The following ELF2 variants were observed in gnomAD, a reference collection of about 807,000 sequenced individuals.
ELF2 encodes ETS-related transcription factor Elf-2.
ELF2 carries 11 observed loss-of-function variants against 54.8 expected under a neutral mutation model. That is an observed-to-expected ratio of 0.20 (90% CI 0.13 to 0.33). ELF2 has a LOEUF of 0.33. Ranked by LOEUF, ELF2 falls within the 10% of genes least tolerant of loss-of-function variation. The probability of loss-of-function intolerance (pLI) is 1.00; values close to 1 mark genes in which losing one functional copy is unlikely to be tolerated. For missense variants in ELF2, 513 were observed against 703.0 expected (o/e 0.73, Z 3.06); for synonymous variants, 203 against 245.1 (o/e 0.83, Z 1.61).
intron 1 of ELF2, among the ~76,000 whole-genome samples, chr4:139,143,704 C>T (rs531175915): frequency 6.6e-6 from 1 of 152,192 alleles, no homozygotes; most frequent in Admixed American, 6.5e-5. Context: ...AGCTCGAGCT[C>T]GGGAGGCGGA....
chr4:139,077,769 G>A (rs905121733), intron 4 of ELF2, among the ~76,000 whole-genome samples: 2 of 152,134 alleles, frequency 1.3e-5, no homozygotes, highest in African/African-American at 4.8e-5. Context: ...AAGTAAGCAA[G>A]CTACAAGCAA....
At chr4:139,065,728 C>T (rs1473557902) in intron 7 of ELF2, among the ~76,000 whole-genome samples, 1 of 152,080 alleles carries the variant, frequency 6.6e-6, no homozygotes, top group African/African-American at 2.4e-5. Flanking sequence ...TTGGTAAAAA[C>T]TGGTCACAGT....
intron 1 of ELF2, among the ~76,000 whole-genome samples, chr4:139,169,238 C>T (rs756962112): frequency 2.7e-5 from 4 of 150,878 alleles, no homozygotes; most frequent in Admixed American, 6.6e-5. Flanking sequence ...GTCCCAGGTA[C>T]GTGGAAAGTT....
intron 3 of ELF2, among the ~76,000 whole-genome samples, chr4:139,127,925 A>G (rs1263351219): frequency 6.7e-6 from 1 of 148,434 alleles, no homozygotes; most frequent in Non-Finnish European, 1.5e-5. Context: ...GGATCACACC[A>G]CTGCATTCCA....
chr4:139,166,249 T>TA (rs1741709136), intron 1 of ELF2, among the ~76,000 whole-genome samples: 1 of 152,038 alleles, frequency 6.6e-6, no homozygotes, highest in Admixed American at 6.6e-5. Context: ...TTAGCCAAGG[T>TA]AGTAGTGTGC....
chr4:139,116,994 T>A (rs1261694900), intron 4 of ELF2, among the ~76,000 whole-genome samples: 2 of 152,260 alleles, frequency 1.3e-5, no homozygotes, highest in Non-Finnish European at 2.9e-5. Context: ...TGCTTTCTCG[T>A]TGAATTATAT....
At chr4:139,075,258 T>C (rs549795114) in intron 4 of ELF2, among the ~76,000 whole-genome samples, 6 of 152,198 alleles carry the variant, frequency 3.9e-5, no homozygotes, top group Non-Finnish European at 8.8e-5. Flanking sequence ...CTGCCACTTA[T>C]TTCTGTTACC....
At chr4:139,155,800 T>C (rs1740468615) in intron 1 of ELF2, among the ~76,000 whole-genome samples, 2 of 152,202 alleles carry the variant, frequency 1.3e-5, no homozygotes, top group African/African-American at 4.8e-5. Context: ...AAGGACTATA[T>C]AGTTTTTAAC....
chr4:139,087,839 G>C (rs1288177823), intron 4 of ELF2, among the ~76,000 whole-genome samples: 1 of 152,130 alleles, frequency 6.6e-6, no homozygotes, highest in African/African-American at 2.4e-5. Flanking sequence ...GATCTCTATA[G>C]TTTAAACGAC....
intron 4 of ELF2, among the ~76,000 whole-genome samples, chr4:139,089,940 T>C (rs1732402296): frequency 6.6e-6 from 1 of 152,236 alleles, no homozygotes. Flanking sequence ...ATTTTGTCTT[T>C]TGCTTTTTGG....
intron 4 of ELF2, among the ~76,000 whole-genome samples, chr4:139,079,997 CT>C (rs1730871314): frequency 6.6e-6 from 1 of 152,146 alleles, no homozygotes; most frequent in Non-Finnish European, 1.5e-5. Flanking sequence ...TTTTAAAAAG[CT>C]CTTCTTAAGC....
chr4:139,148,681 C>A, intron 1 of ELF2, among the ~76,000 whole-genome samples: 1 of 151,150 alleles, frequency 6.6e-6, no homozygotes. Context: ...ATTGTGAATG[C>A]TATTCTGAAA....
chr4:139,092,056 T>C (rs1169340115), intron 4 of ELF2, among the ~76,000 whole-genome samples: 1 of 150,544 alleles, frequency 6.6e-6, no homozygotes, highest in African/African-American at 2.4e-5. Flanking sequence ...ACAGATACAA[T>C]TGATATTTAA....
At chr4:139,131,850 T>A (rs539761331) in intron 3 of ELF2, among the ~76,000 whole-genome samples, 3 of 149,018 alleles carry the variant, frequency 2.0e-5, no homozygotes, top group Non-Finnish European at 4.4e-5. Flanking sequence ...CAAACATCCA[T>A]ACAATGAGAG....
chr4:139,085,559 T>A (rs1402119693), intron 4 of ELF2, among the ~76,000 whole-genome samples: 1 of 152,208 alleles, frequency 6.6e-6, no homozygotes, highest in Non-Finnish European at 1.5e-5. Context: ...ACATAGCCCA[T>A]GACTATTTTT....
At chr4:139,157,495 G>A (rs1280419400) in intron 1 of ELF2, among the ~76,000 whole-genome samples, 5 of 152,026 alleles carry the variant, frequency 3.3e-5, no homozygotes, top group African/African-American at 1.2e-4. Context: ...TCAACCTCCT[G>A]GGCTCAAGCA....
chr4:139,088,773 T>C (rs1732268086), intron 4 of ELF2, among the ~76,000 whole-genome samples: 1 of 152,128 alleles, frequency 6.6e-6, no homozygotes, highest in Non-Finnish European at 1.5e-5. Flanking sequence ...TTTTCTTTTT[T>C]CTGAGACAGA....
rs151126898 is a variant in ELF2 at position 139,128,841 on chromosome 4, C to A, written c.73-3512G>T. Among the ~76,000 whole-genome samples, 6 of 151,990 alleles carry A rather than the reference C, an allele frequency of 3.9e-5. No homozygotes were observed. The East Asian group carries it at 1.2e-3, about 29-fold the overall frequency. ...CCAGCCTCAAAATGTTAATAACGAC[C>A]AAATTCTATTTCAGTTTTCAATCTC... On this transcript the variant is annotated intron_variant, in intron 3 of 9. Coordinates refer to ENST00000686138, the MANE Select transcript of ELF2 (RefSeq NM_001331036.3).
At chr4:139,153,254 G>A (rs1244450827) in intron 1 of ELF2, among the ~76,000 whole-genome samples, 1 of 151,918 alleles carries the variant, frequency 6.6e-6, no homozygotes, top group Non-Finnish European at 1.5e-5. Context: ...GGGCAACATG[G>A]GGAGACCCCA....
Sources: gnomAD v4.1 joint callset for allele counts (sites outside exome capture counted in the v4.1 genomes callset) on GRCh38, gnomAD v4.1.1 for gene constraint, MANE v1.5 for transcripts, NCBI Gene and HGNC (gene_info 2026-07-23, HGNC 2026-07-21) for gene names.